The following SGIP1 variants were observed in gnomAD, a reference collection of about 807,000 sequenced individuals.
SGIP1 encodes SH3GL interacting endocytic adaptor 1, also known as SH3-containing GRB2-like protein 3-interacting protein 1.
In SGIP1, 38 loss-of-function variants were observed where a neutral mutation model predicts 107.5. That is an observed-to-expected ratio of 0.35 (90% CI 0.27 to 0.46). The LOEUF (loss-of-function observed/expected upper bound fraction) is 0.46. Ranked by LOEUF, SGIP1 falls within the 20% of genes least tolerant of loss-of-function variation. The pLI is 1.00. For missense variants in SGIP1, 929 were observed against 1,019.5 expected (o/e 0.91, Z 1.21); for synonymous variants, 365 against 366.1 (o/e 1.00, Z 0.03).
chr1:66,558,397 C>T (rs188125911), intron 1 of SGIP1, among the ~76,000 whole-genome samples: 1 of 152,048 alleles, frequency 6.6e-6, no homozygotes, highest in Non-Finnish European at 1.5e-5. Flanking sequence ...CCAGTCCTGC[C>T]TGGCTACATA....
At chr1:66,693,136 A>G (rs1474663952) in intron 17 of SGIP1, among the ~76,000 whole-genome samples, 2 of 152,098 alleles carry the variant, frequency 1.3e-5, no homozygotes, top group Non-Finnish European at 1.5e-5. Context: ...TGAGCCAGGT[A>G]TGGTGGTGTG....
At chr1:66,630,464 CAT>C (rs1380531832) in intron 2 of SGIP1, among the ~76,000 whole-genome samples, 2 of 152,034 alleles carry the variant, frequency 1.3e-5, no homozygotes, top group African/African-American at 4.8e-5. Flanking sequence ...AAGAATTACT[CAT>C]ATGTGGAGAT....
chr1:66,731,171 C>T (rs977096218), intron 20 of SGIP1, among the ~76,000 whole-genome samples: 3 of 152,190 alleles, frequency 2.0e-5, no homozygotes, highest in Non-Finnish European at 4.4e-5. Context: ...TCCATCTCCC[C>T]CACAAGACTG....
chr1:66,559,808 G>A (rs994509155), intron 1 of SGIP1, among the ~76,000 whole-genome samples: 2 of 152,022 alleles, frequency 1.3e-5, no homozygotes, highest in Admixed American at 6.6e-5. Context: ...CAGTTATTTA[G>A]CCGGGGGGGT....
At position 66,535,047 on chromosome 1, in the gene SGIP1, C is replaced by G. The variant is rs190224380; in HGVS notation, c.10+679C>G. ...GCTTTCCCTGTCCAATGGATTTTAG[C>G]CAAGTATCAAATGATTATTTGCTGA... On this transcript the variant is annotated intron_variant, in intron 1 of 24. Transcript: ENST00000371037. Among the ~76,000 whole-genome samples, 11 of 152,266 alleles carry G rather than the reference C, an allele frequency of 7.2e-5. No individual in the cohort carries two copies. The East Asian group carries it at 2.1e-3, about 29-fold the overall frequency.
intron 1 of SGIP1, among the ~76,000 whole-genome samples, chr1:66,617,231 A>G (rs1190992822): frequency 6.6e-6 from 1 of 152,212 alleles, no homozygotes; most frequent in East Asian, 1.9e-4. Flanking sequence ...ACTGAACTCT[A>G]CATTTTCTAC....
At chr1:66,604,881 T>C (rs1286984444) in intron 1 of SGIP1, among the ~76,000 whole-genome samples, 1 of 152,188 alleles carries the variant, frequency 6.6e-6, no homozygotes, top group Non-Finnish European at 1.5e-5. Context: ...CTACTTTATC[T>C]CCTAAATAAT....
At chr1:66,594,926 G>C (rs1202503540) in intron 1 of SGIP1, among the ~76,000 whole-genome samples, 1 of 152,008 alleles carries the variant, frequency 6.6e-6, no homozygotes, top group African/African-American at 2.4e-5. Flanking sequence ...AATATTTTTC[G>C]CTCCTTTGGT....
In SGIP1 at chr1:66,743,089, T is replaced by C; in HGVS notation, c.2481T>C (p.Asp827=). ...KRFAAGKYLA[D]N ...GTTTTGCAGGAAAATACTTGGCAGATAACTAATGAAATCTTATGCAAGGAT... is the reference window on the plus strand; with the variant it reads ...GTTTTGCAGGAAAATACTTGGCAGACAACTAATGAAATCTTATGCAAGGAT... The change falls in exon 25 of 25, where the codon GAT becomes GAC. Residue 827 remains aspartate (D), a synonymous_variant. Coordinates refer to ENST00000371037, the MANE Select transcript of SGIP1 (RefSeq NM_032291.4). 1 of 1,613,520 alleles carries C rather than the reference T, an allele frequency of 6.2e-7. No individual in the cohort carries two copies. Among genetic ancestry groups the C allele is most frequent in the Non-Finnish European group, 8.5e-7 (1 of 1,179,706 alleles).
chr1:66,685,449 A>T (rs1334054018), intron 15 of SGIP1, among the ~76,000 whole-genome samples: 1 of 152,194 alleles, frequency 6.6e-6, no homozygotes, highest in East Asian at 1.9e-4. Context: ...CTCTTCTCCC[A>T]TGTGGGTTGT....
At chr1:66,624,864 G>A (rs200131429) in intron 1 of SGIP1, among the ~76,000 whole-genome samples, 2 of 90,488 alleles carry the variant, frequency 2.2e-5, no homozygotes, top group Non-Finnish European at 4.2e-5. Context: ...TGTGAGGGAT[G>A]GGAAACACAA....
chr1:66,743,034 C>G, intron 24 of SGIP1, 39 bp from the exon 25 acceptor site: 1 of 1,611,828 alleles, frequency 6.2e-7, no homozygotes, highest in South Asian at 1.1e-5. Context: ...CATTATTGAA[C>G]TACCAGATAA....
At chr1:66,575,243 A>G (rs1373910) in intron 1 of SGIP1, among the ~76,000 whole-genome samples, 26,282 of 152,148 alleles carry the variant, frequency 0.17, 2,693 homozygotes, top group East Asian at 0.45. Flanking sequence ...GGGAGGGTTT[A>G]TATTAGGTCC....
chr1:66,739,563 C>A, intron 22 of SGIP1, 26 bp downstream of exon 22: 2 of 1,611,010 alleles, frequency 1.2e-6, no homozygotes, highest in Non-Finnish European at 1.7e-6. Context: ...TTCTCTCCAC[C>A]AAAGGGCTCC....
chr1:66,637,014 T>C (rs569693983), intron 4 of SGIP1, among the ~76,000 whole-genome samples: 2 of 151,038 alleles, frequency 1.3e-5, no homozygotes, highest in South Asian at 2.1e-4. Flanking sequence ...AAGTTACTTA[T>C]GTTAAGGTAG....
intron 1 of SGIP1, among the ~76,000 whole-genome samples, chr1:66,569,868 A>G (rs1244844930): frequency 6.6e-6 from 1 of 151,856 alleles, no homozygotes; most frequent in Non-Finnish European, 1.5e-5. Context: ...ATTCTGTTTT[A>G]AAAGTTATCA....
intron 1 of SGIP1, among the ~76,000 whole-genome samples, chr1:66,604,082 T>G (rs2066365909): frequency 6.6e-6 from 1 of 152,206 alleles, no homozygotes; most frequent in African/African-American, 2.4e-5. Context: ...TTAGCTTATT[T>G]CACTTTCATG....
At chr1:66,722,606 C>T (rs1022291105) in intron 19 of SGIP1, among the ~76,000 whole-genome samples, 9 of 152,300 alleles carry the variant, frequency 5.9e-5, no homozygotes, top group African/African-American at 1.9e-4. Flanking sequence ...GCGATAAAGA[C>T]AGCTCATATG....
intron 1 of SGIP1, among the ~76,000 whole-genome samples, chr1:66,578,118 T>C (rs2148697246): frequency 6.6e-6 from 1 of 152,344 alleles, no homozygotes; most frequent in South Asian, 2.1e-4. Flanking sequence ...TTACTACTGG[T>C]ACTGGGCATT....
Sources: gnomAD v4.1 joint callset for allele counts (sites outside exome capture counted in the v4.1 genomes callset) on GRCh38, gnomAD v4.1.1 for gene constraint, MANE v1.5 for transcripts, NCBI Gene and HGNC (gene_info 2026-07-23, HGNC 2026-07-21) for gene names.